Variants in CDKAL1 observed in about 807,000 individuals in gnomAD.
The protein encoded by CDKAL1 is threonylcarbamoyladenosine tRNA methylthiotransferase.
In CDKAL1, 32 loss-of-function variants were observed where a neutral mutation model predicts 68.2. That is an observed-to-expected ratio of 0.47 (90% CI 0.35 to 0.63). CDKAL1 has a LOEUF of 0.63. Among genes scored for constraint, CDKAL1 ranks in the 30% least tolerant of loss-of-function variants. The pLI, the probability that CDKAL1 is intolerant of heterozygous loss-of-function variation, is 0.00. For missense variants in CDKAL1, 606 were observed against 696.7 expected (o/e 0.87, Z 1.47); for synonymous variants, 234 against 244.3 (o/e 0.96, Z 0.39).
intron 15 of CDKAL1, among the ~76,000 whole-genome samples, chr6:21,212,422 C>G (rs551807483): frequency 6.6e-6 from 1 of 152,276 alleles, no homozygotes; most frequent in East Asian, 1.9e-4. Flanking sequence ...CCTTTTTAAA[C>G]TGATAGTAAT....
chr6:21,070,399 C>CTTTAT (rs1771709397), intron 12 of CDKAL1, among the ~76,000 whole-genome samples: 1 of 139,336 alleles, frequency 7.2e-6, no homozygotes. Context: ...TTGTTTCTCT[C>CTTTAT]TTTTTTTTTT....
chr6:21,100,877 G>A (rs1373281136), intron 12 of CDKAL1, among the ~76,000 whole-genome samples: 1 of 152,098 alleles, frequency 6.6e-6, no homozygotes, highest in African/African-American at 2.4e-5. Flanking sequence ...GATTGTGATT[G>A]AGCGCTGATA....
intron 5 of CDKAL1, among the ~76,000 whole-genome samples, chr6:20,708,285 C>T (rs961171278): frequency 6.6e-6 from 1 of 152,104 alleles, no homozygotes; most frequent in Middle Eastern, 3.4e-3. Flanking sequence ...ATTTTTTTCA[C>T]GAATTTTCAA....
At chr6:21,181,165 C>T (rs566581372) in intron 13 of CDKAL1, among the ~76,000 whole-genome samples, 24 of 152,308 alleles carry the variant, frequency 1.6e-4, no homozygotes, top group South Asian at 4.1e-4. Context: ...TAACCAACTC[C>T]GGAGATAGCA....
chr6:20,776,566 C>T (rs190059264), intron 7 of CDKAL1, among the ~76,000 whole-genome samples: 1 of 152,144 alleles, frequency 6.6e-6, no homozygotes, highest in African/African-American at 2.4e-5. Flanking sequence ...TATATAACTA[C>T]TTAGAATCTT....
At chr6:21,116,950 AG>A (rs1774442671) in intron 13 of CDKAL1, among the ~76,000 whole-genome samples, 1 of 152,218 alleles carries the variant, frequency 6.6e-6, no homozygotes, top group Non-Finnish European at 1.5e-5. Context: ...GCCAAGAGCC[AG>A]AGTACTTCCC....
At chr6:21,131,569 C>T (rs1775321951) in intron 13 of CDKAL1, among the ~76,000 whole-genome samples, 1 of 152,106 alleles carries the variant, frequency 6.6e-6, no homozygotes, top group Non-Finnish European at 1.5e-5. Flanking sequence ...ATGCAAACTA[C>T]CCATTATCCA....
intron 13 of CDKAL1, among the ~76,000 whole-genome samples, chr6:21,157,632 C>T (rs1328735173): frequency 1.3e-5 from 2 of 152,136 alleles, no homozygotes; most frequent in Non-Finnish European, 2.9e-5. Flanking sequence ...TTGTTTGTTC[C>T]TCGTCATCCT....
chr6:21,143,822 G>C (rs529398053), intron 13 of CDKAL1, among the ~76,000 whole-genome samples: 3 of 152,208 alleles, frequency 2.0e-5, no homozygotes, highest in African/African-American at 7.2e-5. Context: ...TGTCTCAAGG[G>C]ACCCTAGTCG....
At chr6:20,640,174 ACT>A (rs922120436) in intron 4 of CDKAL1, among the ~76,000 whole-genome samples, 1 of 92,310 alleles carries the variant, frequency 1.1e-5, no homozygotes, top group Non-Finnish European at 2.1e-5. Flanking sequence ...TGGTAAAGAA[ACT>A]CTCAAAACAT....
In CDKAL1 at chr6:20,672,338, C is replaced by T. The variant is rs559196082; in HGVS notation, c.371+22961C>T. ...TCTCCGTCTCTTTCTCTCTCTGTCT[C>T]TCTCTCTCTCTTTCCTTTCTTTCTT... On this transcript the variant is annotated intron_variant, in intron 5 of 15. Transcript: ENST00000274695. 5.7e-3 allele frequency among the ~76,000 whole-genome samples: 853 copies of T among 150,742 alleles called. 10 individuals carry two copies. Among genetic ancestry groups the T allele is most frequent in the African/African-American group, 0.02 (819 of 40,982 alleles).
Position 21,050,743 on chromosome 6 carries a change from A to G in CDKAL1, c.1056-14305A>G, listed in dbSNP as rs372155100. 2.0e-4 allele frequency among the ~76,000 whole-genome samples: 30 copies of G among 152,358 alleles called. No homozygotes were observed. The South Asian group carries it at 6.0e-3, about 31-fold the overall frequency. On this transcript the variant is annotated intron_variant, in intron 11 of 15. Transcript: ENST00000274695. ...TCAATCAGAGGAAAACGTGCCAAAC[A>G]GGAAGACACATTCTCAGTCCAGTCC...
chr6:20,764,939 G>T (rs1271619474), intron 7 of CDKAL1, among the ~76,000 whole-genome samples: 1 of 152,100 alleles, frequency 6.6e-6, no homozygotes, highest in Non-Finnish European at 1.5e-5. Context: ...TTACATGTTA[G>T]GAATACTTTC....
At chr6:20,778,315 C>T (rs1441024840) in intron 7 of CDKAL1, among the ~76,000 whole-genome samples, 1 of 152,156 alleles carries the variant, frequency 6.6e-6, no homozygotes, top group Non-Finnish European at 1.5e-5. Context: ...ATTTACTTTT[C>T]AAGGCACACC....
intron 9 of CDKAL1, among the ~76,000 whole-genome samples, chr6:20,881,199 A>G (rs933160093): frequency 3.9e-5 from 6 of 152,188 alleles, no homozygotes; most frequent in Non-Finnish European, 5.9e-5. Context: ...GCTGGACCCC[A>G]TCCTCAGAGT....
chr6:20,912,745 A>G (rs753828669), intron 9 of CDKAL1, among the ~76,000 whole-genome samples: 1 of 152,178 alleles, frequency 6.6e-6, no homozygotes, highest in African/African-American at 2.4e-5. Context: ...ATGCCTGAAC[A>G]TATTTTTTTA....
chr6:20,576,462 T>C (rs1377323671), intron 4 of CDKAL1, among the ~76,000 whole-genome samples: 1 of 152,232 alleles, frequency 6.6e-6, no homozygotes, highest in East Asian at 1.9e-4. Flanking sequence ...AATTTTATGC[T>C]CTTTGAAATC....
chr6:20,978,656 A>G (rs1273623680), intron 10 of CDKAL1, among the ~76,000 whole-genome samples: 2 of 152,200 alleles, frequency 1.3e-5, no homozygotes, highest in Non-Finnish European at 2.9e-5. Context: ...ACAAGCTAAT[A>G]ATTTATTACT....
chr6:21,089,430 T>G (rs1409701339), intron 12 of CDKAL1, among the ~76,000 whole-genome samples: 1 of 152,114 alleles, frequency 6.6e-6, no homozygotes, highest in Non-Finnish European at 1.5e-5. Flanking sequence ...TAAGCTGTGA[T>G]CCTTCCACTA....
Sources: allele counts gnomAD v4.1 joint callset (sites outside exome capture counted in the v4.1 genomes callset), GRCh38; gene constraint gnomAD v4.1.1; transcripts MANE v1.5; gene names NCBI Gene and HGNC (gene_info 2026-07-23, HGNC 2026-07-21).